The following CNTNAP4 variants were observed in gnomAD, a reference collection of about 807,000 sequenced individuals.
CNTNAP4 encodes contactin associated protein family member 4.
In CNTNAP4, 98 loss-of-function variants were observed where a neutral mutation model predicts 148.4. The ratio of observed to expected loss-of-function variants is 0.66; its 90% confidence interval spans 0.56 to 0.78. CNTNAP4 has a LOEUF of 0.78. CNTNAP4 is among the 30% of genes least tolerant of loss of function. The pLI is 0.00. For synonymous variants in CNTNAP4, 730 were observed against 565.1 expected (o/e 1.29, Z -4.14); for missense variants, 1,935 against 1,565.6 (o/e 1.24, Z -3.98).
chr16:76,464,729 G>A (rs961732880), intron 9 of CNTNAP4, among the ~76,000 whole-genome samples: 3 of 152,004 alleles, frequency 2.0e-5, no homozygotes, highest in Admixed American at 1.3e-4. Context: ...TGGGAGAGTG[G>A]GCTGCTCCTG....
At chr16:76,540,660 G>A (rs536473217) in intron 20 of CNTNAP4, 43 bp from the exon 21 acceptor site, 23 of 1,389,932 alleles carry the variant, frequency 1.7e-5, no homozygotes, top group East Asian at 2.6e-5. Flanking sequence ...TCAACAAAAC[G>A]TCATCCATTT....
chr16:76,429,679 G>A (rs1409376485), intron 4 of CNTNAP4, among the ~76,000 whole-genome samples: 4 of 152,116 alleles, frequency 2.6e-5, no homozygotes, highest in African/African-American at 7.2e-5. Flanking sequence ...TAAGGTACAG[G>A]TTCTTTTGAG....
At chr16:76,512,826 C>T (rs1440397582) in intron 15 of CNTNAP4, among the ~76,000 whole-genome samples, 35 of 152,108 alleles carry the variant, frequency 2.3e-4, no homozygotes, top group Admixed American at 2.0e-3. Context: ...GTATCCTGGA[C>T]TCCAAGTGAA....
rs2078262737 is a variant in CNTNAP4 at position 76,397,941 on chromosome 16, TATACATATATATA to T, written c.391-29510_391-29498del. On this transcript the variant is annotated intron_variant, in intron 3 of 23. Transcript: ENST00000611870. Reference sequence around the variant, plus strand: ...CTAGAGGGACAGAACTAATAGATTATATACATATATATATATATATATATATATATATATATAT... The same window carrying T: ...CTAGAGGGACAGAACTAATAGATTATTATATATATATATATATATATATAT... Among the ~76,000 whole-genome samples the T allele has an allele frequency of 2.1e-3, 4 of 1,928 alleles. 1 individual carries two copies. Among genetic ancestry groups the T allele is most frequent in the Non-Finnish European group, 3.0e-3 (3 of 1,006 alleles). 1.3% of individuals were successfully genotyped at this position (1,928 alleles called of 152,430 possible).
At chr16:76,322,112 A>G (rs1962483298) in intron 2 of CNTNAP4, among the ~76,000 whole-genome samples, 1 of 152,208 alleles carries the variant, frequency 6.6e-6, no homozygotes, top group Non-Finnish European at 1.5e-5. Flanking sequence ...AACTCATGAT[A>G]TCCAGAATCC....
At chr16:76,448,709 T>A (rs1463599687) in intron 5 of CNTNAP4, 58 bp from the exon 6 acceptor site, 2 of 579,230 alleles carry the variant, frequency 3.5e-6, no homozygotes, top group East Asian at 6.0e-5. Flanking sequence ...GAAGGGAACC[T>A]TTTTTTTTTT....
chr16:76,402,498 AAAAC>A (rs1240019174), intron 3 of CNTNAP4, among the ~76,000 whole-genome samples: 2 of 152,032 alleles, frequency 1.3e-5, no homozygotes, highest in Non-Finnish European at 2.9e-5. Flanking sequence ...TACTAATTAA[AAAAC>A]AACCTCCTGA....
rs1395313266 is a variant in CNTNAP4, at chr16:76,476,069, T to C, written c.1762+24T>C. The C allele has an allele frequency of 7.3e-6, 11 of 1,510,218 alleles. No homozygotes were observed. The South Asian group carries it at 7.9e-5, about 11-fold the overall frequency. The allele number at this position is 1,510,218 out of a possible 1,614,324, so 93.6% of individuals were successfully genotyped here. A position where few individuals can be genotyped will look rare whatever the true frequency, so the allele number is the denominator to read the frequency against. On this transcript the variant is annotated intron_variant, in intron 11 of 23. Transcript: ENST00000611870. ...CTGTAAGCGGAACACATCTGCTTTT[T>C]CTTGCCCCTGTGATGGTTTCTTTGT...
intron 1 of CNTNAP4, among the ~76,000 whole-genome samples, chr16:76,307,505 T>TAC (rs1241334878): frequency 3.8e-5 from 1 of 26,012 alleles, no homozygotes; most frequent in Non-Finnish European, 8.9e-5. Flanking sequence ...TTTAAATGCA[T>TAC]ATATATATAT....
intron 2 of CNTNAP4, among the ~76,000 whole-genome samples, chr16:76,338,322 A>G (rs895402411): frequency 1.1e-4 from 17 of 151,888 alleles, no homozygotes; most frequent in Admixed American, 3.9e-4. Context: ...TCCCATAACA[A>G]TCTGGCTCCA....
At chr16:76,412,239 C>G (rs148817233) in intron 3 of CNTNAP4, among the ~76,000 whole-genome samples, 4 of 151,338 alleles carry the variant, frequency 2.6e-5, no homozygotes, top group African/African-American at 9.6e-5. Flanking sequence ...ATTTAAAAAT[C>G]CATTCTATAA....
chr16:76,555,416 GA>G (rs1254548450), intron 23 of CNTNAP4, among the ~76,000 whole-genome samples: 16 of 152,120 alleles, frequency 1.1e-4, no homozygotes, highest in African/African-American at 3.6e-4. Flanking sequence ...ATGTCTAAAA[GA>G]AACACGTTAT....
chr16:76,299,207 A>G (rs1217455936), intron 1 of CNTNAP4, among the ~76,000 whole-genome samples: 2 of 152,216 alleles, frequency 1.3e-5, no homozygotes, highest in African/African-American at 4.8e-5. Context: ...CAGAGTGAAC[A>G]GGCAACATAC....
chr16:76,428,194 T>TTA (rs927231279), intron 4 of CNTNAP4, among the ~76,000 whole-genome samples: 2 of 152,154 alleles, frequency 1.3e-5, no homozygotes, highest in Non-Finnish European at 2.9e-5. Flanking sequence ...AAGCATTTTA[T>TTA]TATATATATT....
At chr16:76,415,843 T>C (rs1019855374) in intron 3 of CNTNAP4, among the ~76,000 whole-genome samples, 1 of 151,376 alleles carries the variant, frequency 6.6e-6, no homozygotes, top group Non-Finnish European at 1.5e-5. Flanking sequence ...TTCTACAAAA[T>C]ATTTTTTTAA....
intron 2 of CNTNAP4, among the ~76,000 whole-genome samples, chr16:76,321,858 C>G (rs1962455423): frequency 6.6e-6 from 1 of 150,600 alleles, no homozygotes; most frequent in Admixed American, 6.6e-5. Context: ...ATTTAATAAC[C>G]AATACTTTCT....
At chr16:76,552,144 G>GAGT (rs2084976035) in intron 21 of CNTNAP4, among the ~76,000 whole-genome samples, 2 of 1,188 alleles carry the variant, frequency 1.7e-3, no homozygotes, top group Non-Finnish European at 0.023. Flanking sequence ...CAGCAGGAGA[G>GAGT]AGAAGAAGGA....
At chr16:76,476,443 T>C (rs546844716) in intron 11 of CNTNAP4, among the ~76,000 whole-genome samples, 2 of 152,278 alleles carry the variant, frequency 1.3e-5, no homozygotes, top group African/African-American at 4.8e-5. Flanking sequence ...GAAACAGCCC[T>C]GGTTGGAGTG....
chr16:76,464,120 C>A (rs34532240), intron 9 of CNTNAP4, among the ~76,000 whole-genome samples: 22,942 of 152,106 alleles, frequency 0.15, 2,056 homozygotes, highest in South Asian at 0.27. Context: ...CCAAACTCTG[C>A]CCTGCACTTC....
Sources: allele counts gnomAD v4.1 joint callset (sites outside exome capture counted in the v4.1 genomes callset), GRCh38; gene constraint gnomAD v4.1.1; transcripts MANE v1.5; gene names NCBI Gene and HGNC (gene_info 2026-07-23, HGNC 2026-07-21).